Variants in MDGA2 observed in about 807,000 individuals in gnomAD.
MDGA2 encodes the protein MAM domain containing glycosylphosphatidylinositol anchor 2, also known as MAM domain-containing glycosylphosphatidylinositol anchor protein 2.
In MDGA2, 40 loss-of-function variants were observed where a neutral mutation model predicts 117.8. The observed-to-expected ratio is 0.34, with a 90% CI of 0.26 to 0.44. MDGA2 has a LOEUF of 0.44. Ranked by LOEUF, MDGA2 falls within the 20% of genes least tolerant of loss-of-function variation. The probability of loss-of-function intolerance (pLI) is 1.00; values close to 1 mark genes in which losing one functional copy is unlikely to be tolerated. For missense variants in MDGA2, 1,123 were observed against 1,250.6 expected, an observed-to-expected ratio of 0.90 and a Z score of 1.54; for synonymous variants, 452 against 439.0, an observed-to-expected ratio of 1.03 and a Z score of -0.37.
intron 1 of MDGA2, among the ~76,000 whole-genome samples, chr14:47,534,599 G>A (rs1895168639): frequency 6.6e-6 from 1 of 152,042 alleles, no homozygotes; most frequent in South Asian, 2.1e-4. Flanking sequence ...GAATAGCATG[G>A]AAGAAACCAC....
intron 1 of MDGA2, among the ~76,000 whole-genome samples, chr14:47,532,480 T>C (rs750046690): frequency 3.3e-5 from 5 of 152,326 alleles, no homozygotes; most frequent in Admixed American, 6.5e-5. Context: ...ATCTTAATAG[T>C]TACCCATAGG....
At chr14:47,406,341 C>A (rs1049528710) in intron 1 of MDGA2, among the ~76,000 whole-genome samples, 1 of 151,976 alleles carries the variant, frequency 6.6e-6, no homozygotes, top group African/African-American at 2.4e-5. Context: ...ATACAAATTT[C>A]TGAATTATGA....
intron 16 of MDGA2, 53 bp downstream of exon 16, chr14:46,845,713 T>C: frequency 1.9e-6 from 2 of 1,055,328 alleles, no homozygotes; most frequent in East Asian, 2.5e-5. Context: ...GTTAATTTAA[T>C]AGTAATGTTA....
intron 1 of MDGA2, among the ~76,000 whole-genome samples, chr14:47,326,782 G>A (rs4900739): frequency 0.18 from 27,796 of 151,824 alleles, 2,869 homozygotes; most frequent in East Asian, 0.43. Flanking sequence ...GCTTGTCTTG[G>A]CTTTAGAAAC....
intron 1 of MDGA2, among the ~76,000 whole-genome samples, chr14:47,432,670 A>G (rs1892822719): frequency 6.6e-6 from 1 of 152,134 alleles, no homozygotes; most frequent in African/African-American, 2.4e-5. Context: ...AAAATTTGAA[A>G]AAAAGAAAAT....
At chr14:47,088,497 C>A (rs1890991601) in intron 6 of MDGA2, among the ~76,000 whole-genome samples, 1 of 152,062 alleles carries the variant, frequency 6.6e-6, no homozygotes, top group Non-Finnish European at 1.5e-5. Flanking sequence ...TGTAACAAAG[C>A]TATTGATGAG....
intron 8 of MDGA2, among the ~76,000 whole-genome samples, chr14:46,993,214 C>T (rs1187612571): frequency 6.6e-6 from 1 of 151,992 alleles, no homozygotes; most frequent in Non-Finnish European, 1.5e-5. Flanking sequence ...GTTTATTAAG[C>T]ACATTTTATC....
chr14:47,256,503 C>T (rs1402141610), intron 2 of MDGA2, among the ~76,000 whole-genome samples: 1 of 152,076 alleles, frequency 6.6e-6, no homozygotes, highest in African/African-American at 2.4e-5. Flanking sequence ...GTACATTTAT[C>T]CAGTTTATCT....
chr14:47,378,465 T>C (rs1356087625), intron 1 of MDGA2, among the ~76,000 whole-genome samples: 2 of 152,038 alleles, frequency 1.3e-5, no homozygotes, highest in Non-Finnish European at 2.9e-5. Context: ...GCTAAAAACC[T>C]TGAAAAAAGA....
intron 4 of MDGA2, among the ~76,000 whole-genome samples, chr14:47,139,883 CAT>C (rs368412441): frequency 0.11 from 13,424 of 120,744 alleles, 703 homozygotes; most frequent in African/African-American, 0.13. Context: ...CACACACACA[CAT>C]ATATATATAT....
chr14:46,859,430 C>G (rs1013121254), intron 14 of MDGA2, among the ~76,000 whole-genome samples: 1 of 152,156 alleles, frequency 6.6e-6, no homozygotes, highest in Non-Finnish European at 1.5e-5. Context: ...CCCTGCATAT[C>G]TTTTTTCTTT....
chr14:47,125,602 A>C (rs931495342), intron 5 of MDGA2, among the ~76,000 whole-genome samples: 1 of 152,100 alleles, frequency 6.6e-6, no homozygotes, highest in Non-Finnish European at 1.5e-5. Flanking sequence ...AAGGAAAAAA[A>C]ATTGAAGAAT....
intron 5 of MDGA2, among the ~76,000 whole-genome samples, chr14:47,114,549 G>A (rs532141489): frequency 1.3e-5 from 2 of 152,086 alleles, no homozygotes; most frequent in Non-Finnish European, 2.9e-5. Context: ...AACCAAAACA[G>A]CAGGGTAGTG....
intron 1 of MDGA2, among the ~76,000 whole-genome samples, chr14:47,305,683 A>G (rs540599867): frequency 6.6e-6 from 1 of 152,186 alleles, no homozygotes; most frequent in Non-Finnish European, 1.5e-5. Flanking sequence ...AGCAGGCATG[A>G]GACTCTGTGC....
chr14:47,671,142 C>T (rs1898066902), intron 1 of MDGA2, among the ~76,000 whole-genome samples: 1 of 152,096 alleles, frequency 6.6e-6, no homozygotes, highest in Admixed American at 6.5e-5. Flanking sequence ...TGGTGGAAGG[C>T]AGGCAGTTAA....
At chr14:47,255,388 T>C (rs533229582) in intron 2 of MDGA2, among the ~76,000 whole-genome samples, 1 of 152,222 alleles carries the variant, frequency 6.6e-6, no homozygotes, top group South Asian at 2.1e-4. Flanking sequence ...GGTAGTGGGA[T>C]CCAACAGGTG....
intron 2 of MDGA2, among the ~76,000 whole-genome samples, chr14:47,256,357 C>G (rs990881960): frequency 1.3e-5 from 2 of 152,110 alleles, no homozygotes; most frequent in African/African-American, 4.8e-5. Context: ...CCGTCACTTT[C>G]CTTCCACTCC....
chr14:47,586,100 T>C lies in MDGA2; in HGVS notation c.280+88417A>G, dbSNP rs530179398. Among the ~76,000 whole-genome samples, 24 of 152,062 alleles carry C rather than the reference T, an allele frequency of 1.6e-4. No individual in the cohort carries two copies. The South Asian group carries it at 5.0e-3, about 32-fold the overall frequency. ...GATGTAAATAGTATTTATTATTTTA[T>C]TCTTCTCAATAATATCTCCATTTCC... On this transcript the variant is annotated intron_variant, in intron 1 of 16. Coordinates refer to ENST00000399232, the MANE Select transcript of MDGA2 (RefSeq NM_001113498.3).
chr14:47,172,590 T>C (rs1354458624), intron 3 of MDGA2, among the ~76,000 whole-genome samples: 6 of 152,212 alleles, frequency 3.9e-5, no homozygotes, highest in African/African-American at 1.4e-4. Flanking sequence ...CTGAGGGTCC[T>C]GTCTGTTAGA....
Sources: gnomAD v4.1 joint callset for allele counts (sites outside exome capture counted in the v4.1 genomes callset) on GRCh38, gnomAD v4.1.1 for gene constraint, MANE v1.5 for transcripts, NCBI Gene and HGNC (gene_info 2026-07-23, HGNC 2026-07-21) for gene names.